The following GXYLT1 variants were observed in gnomAD, a reference collection of about 807,000 sequenced individuals.
GXYLT1 encodes glycosyltransferase 8 domain containing 3.
In GXYLT1, 29 loss-of-function variants were observed where a neutral mutation model predicts 54.0. The ratio of observed to expected loss-of-function variants is 0.54; its 90% confidence interval spans 0.40 to 0.73. The LOEUF (loss-of-function observed/expected upper bound fraction) is 0.73, where lower values mean the gene tolerates loss of function less well. Ranked by LOEUF, GXYLT1 falls within the 30% of genes least tolerant of loss-of-function variation. GXYLT1 has a pLI of 0.00. For missense variants in GXYLT1, 490 were observed against 553.4 expected, an observed-to-expected ratio of 0.89 and a Z score of 1.15; for synonymous variants, 176 against 204.1, an observed-to-expected ratio of 0.86 and a Z score of 1.17.
chr12:42,137,606 A>C (rs1003417170), intron 1 of GXYLT1, among the ~76,000 whole-genome samples: 3 of 151,634 alleles, frequency 2.0e-5, no homozygotes, highest in African/African-American at 7.3e-5. Flanking sequence ...AAATACAAAA[A>C]ATTATCTGGG....
At chr12:42,104,681 AAAGGT>A (rs761776970) in intron 5 of GXYLT1, among the ~76,000 whole-genome samples, 73 of 152,328 alleles carry the variant, frequency 4.8e-4, no homozygotes, top group Non-Finnish European at 7.8e-4. Context: ...TGCCTATACC[AAAGGT>A]AAGAGGAAAC....
intron 4 of GXYLT1, 44 bp from the exon 5 acceptor site, chr12:42,106,113 A>T (rs1309613357): frequency 4.3e-6 from 6 of 1,380,870 alleles, no homozygotes; most frequent in Non-Finnish European, 6.0e-6. Flanking sequence ...ATTCTATTTT[A>T]AAAAGAAACA....
At chr12:42,131,503 T>G (rs917434901) in intron 1 of GXYLT1, among the ~76,000 whole-genome samples, 2 of 152,200 alleles carry the variant, frequency 1.3e-5, no homozygotes, top group East Asian at 3.9e-4. Flanking sequence ...CCTAAGTAAT[T>G]GTGTATACTA....
intron 6 of GXYLT1, 58 bp downstream of exon 6, chr12:42,097,852 T>C: frequency 7.6e-7 from 1 of 1,323,142 alleles, no homozygotes; most frequent in South Asian, 1.3e-5. Context: ...GTTTTCCTTT[T>C]TCACTAAGTA....
intron 3 of GXYLT1, among the ~76,000 whole-genome samples, chr12:42,113,592 T>A (rs1266065639): frequency 6.6e-6 from 1 of 150,918 alleles, no homozygotes; most frequent in Non-Finnish European, 1.5e-5. Flanking sequence ...CTATCCTAAA[T>A]ATATATGCAC....
At chr12:42,142,616 T>C (rs979311669) in intron 1 of GXYLT1, among the ~76,000 whole-genome samples, 2 of 152,182 alleles carry the variant, frequency 1.3e-5, no homozygotes, top group African/African-American at 2.4e-5. Flanking sequence ...AATTCTGGGA[T>C]TACAGGCGTG....
chr12:42,104,006 T>C (rs952024344), intron 5 of GXYLT1, among the ~76,000 whole-genome samples: 3 of 152,112 alleles, frequency 2.0e-5, no homozygotes, highest in African/African-American at 7.2e-5. Context: ...CCCAGCACTT[T>C]GGGGGTTTGA....
intron 7 of GXYLT1, 40 bp from the exon 8 acceptor site, chr12:42,087,987 G>C (rs774313510): frequency 1.8e-6 from 2 of 1,114,310 alleles, no homozygotes; most frequent in Non-Finnish European, 1.3e-6. Context: ...AATTTAAAAG[G>C]CAAAGGTACA....
At chr12:42,111,844 T>C (rs1000259356) in intron 3 of GXYLT1, among the ~76,000 whole-genome samples, 2 of 152,152 alleles carry the variant, frequency 1.3e-5, no homozygotes, top group Non-Finnish European at 2.9e-5. Flanking sequence ...CCTCCTCAAG[T>C]GGGGTCCCTG....
intron 3 of GXYLT1, among the ~76,000 whole-genome samples, chr12:42,115,279 A>G (rs548409389): frequency 6.6e-6 from 1 of 152,334 alleles, no homozygotes; most frequent in Non-Finnish European, 1.5e-5. Context: ...AGTTCTGGCC[A>G]GGGCAATCAG....
chr12:42,144,681 C>CTT lies in GXYLT1; in HGVS notation c.-36_-35insAA, dbSNP rs1318676355. On this transcript the variant is annotated 5_prime_UTR_variant, in exon 1 of 8. Coordinates refer to ENST00000398675, the MANE Select transcript of GXYLT1 (RefSeq NM_173601.2). Reference sequence around the variant, plus strand: ...CGCGCTCCTCCTTCGCCGCCGCCGCCGCGCCCGCCCCGACGAACTGGAGCG... The same window carrying CTT: ...CGCGCTCCTCCTTCGCCGCCGCCGCCTTGCGCCCGCCCCGACGAACTGGAGCG... 2 of 1,373,528 alleles carry CTT rather than the reference C, an allele frequency of 1.5e-6. No individual in the cohort carries two copies. Among genetic ancestry groups the CTT allele is most frequent in the Middle Eastern group, 2.6e-4 (1 of 3,782 alleles). 85.1% of individuals were successfully genotyped at this position (1,373,528 alleles called of 1,614,324 possible).
chr12:42,093,368 T>G (rs1341291994), intron 7 of GXYLT1, among the ~76,000 whole-genome samples: 1 of 152,160 alleles, frequency 6.6e-6, no homozygotes, highest in Non-Finnish European at 1.5e-5. Context: ...CCCAAAGTGC[T>G]GAGATTACAG....
chr12:42,137,912 G>C (rs555200752), intron 1 of GXYLT1, among the ~76,000 whole-genome samples: 1 of 152,088 alleles, frequency 6.6e-6, no homozygotes. Flanking sequence ...AGATGCTTAC[G>C]GACACATTAA....
intron 7 of GXYLT1, among the ~76,000 whole-genome samples, chr12:42,088,489 A>T (rs928946862): frequency 3.3e-5 from 5 of 152,192 alleles, no homozygotes; most frequent in Admixed American, 2.6e-4. Context: ...GGCACTCTTC[A>T]TGGGGATTCA....
Position 42,144,684 on chromosome 12 carries a change from G to T in GXYLT1, c.-38C>A. 1 of 1,088,582 alleles carries T rather than the reference G, an allele frequency of 9.2e-7. No homozygotes were observed. Among genetic ancestry groups the T allele is most frequent in the Non-Finnish European group, 1.2e-6 (1 of 804,106 alleles). 67.4% of individuals were successfully genotyped at this position (1,088,582 alleles called of 1,614,324 possible). ...GCTCCTCCTTCGCCGCCGCCGCCGCGCCCGCCCCGACGAACTGGAGCGGAG... is the reference window on the plus strand; with the variant it reads ...GCTCCTCCTTCGCCGCCGCCGCCGCTCCCGCCCCGACGAACTGGAGCGGAG... On this transcript the variant is annotated 5_prime_UTR_variant, in exon 1 of 8. Coordinates refer to ENST00000398675, the MANE Select transcript of GXYLT1 (RefSeq NM_173601.2).
intron 5 of GXYLT1, among the ~76,000 whole-genome samples, chr12:42,103,602 T>C (rs1476199601): frequency 6.6e-6 from 1 of 152,106 alleles, no homozygotes; most frequent in Non-Finnish European, 1.5e-5. Flanking sequence ...GAATTAACAA[T>C]CAATAAATTT....
chr12:42,134,372 TACAA>T (rs2065608447), intron 1 of GXYLT1, among the ~76,000 whole-genome samples: 1 of 152,082 alleles, frequency 6.6e-6, no homozygotes, highest in Non-Finnish European at 1.5e-5. Context: ...AGTGCAGTGG[TACAA>T]ACACAGCTCA....
intron 1 of GXYLT1, among the ~76,000 whole-genome samples, chr12:42,143,838 T>C (rs1441759053): frequency 6.6e-6 from 1 of 152,240 alleles, no homozygotes; most frequent in Admixed American, 6.5e-5. Flanking sequence ...TCATTTTTCT[T>C]AATTTGCTCT....
At chr12:42,135,727 C>G (rs150498083) in intron 1 of GXYLT1, among the ~76,000 whole-genome samples, 332 of 152,272 alleles carry the variant, frequency 2.2e-3, no homozygotes, top group Non-Finnish European at 2.0e-3. Context: ...CTGTGTGATT[C>G]CTTTATGTAA....
Sources: allele counts gnomAD v4.1 joint callset (sites outside exome capture counted in the v4.1 genomes callset), GRCh38; gene constraint gnomAD v4.1.1; transcripts MANE v1.5; gene names NCBI Gene and HGNC (gene_info 2026-07-23, HGNC 2026-07-21).